PRDM14: variants seen among roughly 807,000 people sequenced by gnomAD.
The protein encoded by PRDM14 is PR domain zinc finger protein 14.
PRDM14 carries 16 observed loss-of-function variants against 48.0 expected under a neutral mutation model. The ratio of observed to expected loss-of-function variants is 0.33; its 90% CI spans 0.23 to 0.51. The LOEUF (loss-of-function observed/expected upper bound fraction) is 0.51, where lower values mean the gene tolerates loss of function less well. PRDM14 is among the 20% of genes least tolerant of loss of function. The probability of loss-of-function intolerance (pLI) is 0.97; values close to 1 mark genes in which losing one functional copy is unlikely to be tolerated. For synonymous variants in PRDM14, 264 were observed against 276.6 expected, an observed-to-expected ratio of 0.95 and a Z score of 0.45; for missense variants, 566 against 719.6, an observed-to-expected ratio of 0.79 and a Z score of 2.44.
chr8:70,058,721 A>G lies in PRDM14; in HGVS notation c.1305T>C (p.Ser435=), dbSNP rs1353624253. ...GCTTCTCAAAGGATCGTTTGCAGAG[A>G]GAACAGGGAAATTTCCTATCGCCCT... ...VDKGDRKFPC[S]LCKRSFEKRD... Residue 435 remains serine (S), a synonymous_variant, in exon 6 of 8, where the codon TCT becomes TCC. Coordinates refer to ENST00000276594, the MANE Select transcript of PRDM14 (RefSeq NM_024504.4). 1.9e-6 allele frequency: 3 copies of G among 1,614,164 alleles called. No homozygotes were observed. The highest frequency in any genetic ancestry group is 2.5e-6 in the Non-Finnish European group (3 of 1,179,998).
At chr8:70,062,199 A>G (rs1351478948) in intron 5 of PRDM14, among the ~76,000 whole-genome samples, 1 of 152,212 alleles carries the variant, frequency 6.6e-6, no homozygotes, top group Non-Finnish European at 1.5e-5. Context: ...CTTGGTTCAG[A>G]ACTGGAACAC....
chr8:70,065,656 G>A (rs1409747390), intron 5 of PRDM14, among the ~76,000 whole-genome samples: 3 of 152,058 alleles, frequency 2.0e-5, no homozygotes, highest in African/African-American at 7.2e-5. Flanking sequence ...CCCATAGTAG[G>A]CAATGTATTT....
chr8:70,051,989 G>T lies in PRDM14; in HGVS notation c.*88C>A. 1.1e-6 allele frequency: 1 copy of T among 873,752 alleles called. No homozygotes were observed. Among genetic ancestry groups the T allele is most frequent in the South Asian group, 1.6e-5 (1 of 60,702 alleles). 54.1% of individuals were successfully genotyped at this position (873,752 alleles called of 1,614,324 possible). A position where few individuals can be genotyped will look rare whatever the true frequency, so the allele number is the denominator to read the frequency against. ...GGATTTCACCATGTTGCCCAGGCTG[G>T]TCTCGAACTCCTGGACTTGAGTGAT... On this transcript the variant is annotated 3_prime_UTR_variant, in exon 8 of 8. Transcript: ENST00000276594.
chr8:70,068,629 C>A, intron 2 of PRDM14, 97 bp from the exon 3 acceptor site: 1 of 972,560 alleles, frequency 1.0e-6, no homozygotes, highest in Non-Finnish European at 1.6e-6. Flanking sequence ...AGGTAACCAT[C>A]ATCCCAGTTT....
At chr8:70,052,822 A>G (rs4738066) in intron 7 of PRDM14, among the ~76,000 whole-genome samples, 88,659 of 140,310 alleles carry the variant, frequency 0.63, 27,634 homozygotes, top group East Asian at 0.74. Context: ...CCGTTATTGC[A>G]CCACTGTACT....
intron 6 of PRDM14, among the ~76,000 whole-genome samples, chr8:70,056,216 T>C (rs1805469548): frequency 6.6e-6 from 1 of 152,234 alleles, no homozygotes; most frequent in Admixed American, 6.5e-5. Context: ...TAATTAATAT[T>C]GTTTCTTGAC....
At position 70,069,551 on chromosome 8, in the gene PRDM14, T is replaced by C; in HGVS notation, c.310A>G (p.Ile104Val). The change falls in exon 2 of 8, where the codon ATT becomes GTT. Residue 104 changes from isoleucine (I) to valine (V), a missense_variant. Coordinates refer to ENST00000276594, the MANE Select transcript of PRDM14 (RefSeq NM_024504.4). ...GGCACTTCCCTGGGGACGTGGGGAA[T>C]TGGGTACCACGGTGGCAGCTTGCTG... ...WYSKLPPWYP[I>V]PHVPREVPPF... 1 of 1,609,150 alleles carries C rather than the reference T, an allele frequency of 6.2e-7. No individual in the cohort carries two copies. Among genetic ancestry groups the C allele is most frequent in the South Asian group, 1.1e-5 (1 of 90,452 alleles).
rs1470668764 is a variant in PRDM14 at position 70,069,685 on chromosome 8, G to A, written c.176C>T (p.Ala59Val). Residue 59 changes from alanine to valine, a missense_variant, in exon 2 of 8, where the codon GCA becomes GTA. Ala to Val is a moderately conservative substitution (Grantham distance 64). This residue lies in a region of PRDM14 where 410 missense variants were observed against 424.6 expected (regional missense o/e 0.97). Coordinates refer to ENST00000276594, the MANE Select transcript of PRDM14 (RefSeq NM_024504.4). ...GGGCATGGCGGGGGCAGCAGACGCT[G>A]CGGCCTCCAGCTGCCGGAAAGGTTG... ...DFQPFRQLEA[A>V]ASAAPAMPPF... The A allele has an allele frequency of 6.4e-7, 1 of 1,552,978 alleles. No individual in the cohort carries two copies. The highest frequency in any genetic ancestry group is 8.7e-7 in the Non-Finnish European group (1 of 1,149,266).
rs1805724703 is a variant in PRDM14 at position 70,069,327 on chromosome 8, T to C, written c.534A>G (p.Ser178=). The part of the protein sequence containing the change: ...QLLPCSPSKQ[S]EDGPKPSNQE... ...GGTTGGAGGGTTTGGGACCATCCTC[T>C]GACTGCTTGCTGGGTGAGCAAGGTA... Residue 178 remains serine, a synonymous_variant, in exon 2 of 8, where the codon TCA becomes TCG. Transcript: ENST00000276594. The C allele has an allele frequency of 1.2e-6, 2 of 1,611,566 alleles. No homozygotes were observed. Among genetic ancestry groups the C allele is most frequent in the Non-Finnish European group, 8.5e-7 (1 of 1,178,796 alleles).
intron 5 of PRDM14, 71 bp downstream of exon 5, chr8:70,066,164 G>T: frequency 6.6e-7 from 1 of 1,515,456 alleles, no homozygotes; most frequent in South Asian, 1.2e-5. Context: ...TGTGCATGGA[G>T]GGTTTGTGGA....
intron 6 of PRDM14, 89 bp from the exon 7 acceptor site, chr8:70,055,490 ACT>A (rs1029332367): frequency 1.1e-5 from 8 of 695,848 alleles, no homozygotes; most frequent in Non-Finnish European, 2.0e-5. Context: ...TTAGAGAAGA[ACT>A]CTTTTCCAAT....
chr8:70,063,545 ATG>A (rs1805618604), intron 5 of PRDM14, among the ~76,000 whole-genome samples: 1 of 151,894 alleles, frequency 6.6e-6, no homozygotes, highest in Admixed American at 6.6e-5. Flanking sequence ...TCTTTTTGAG[ATG>A]GAGTCTCACT....
chr8:70,066,530 T>C, intron 4 of PRDM14, 25 bp from the exon 5 acceptor site: 3 of 1,580,024 alleles, frequency 1.9e-6, no homozygotes, highest in Non-Finnish European at 2.6e-6. Context: ...ACATGAAGTT[T>C]GTATTGTACT....
At chr8:70,059,531 A>G (rs1227418638) in intron 5 of PRDM14, among the ~76,000 whole-genome samples, 4 of 152,028 alleles carry the variant, frequency 2.6e-5, no homozygotes. Flanking sequence ...CGGCCTCCCA[A>G]AGTGCTGGGA....
At position 70,069,583 on chromosome 8, in the gene PRDM14, G is replaced by C; in HGVS notation, c.278C>G (p.Pro93Arg). ...GLQREPLYDL[P>R]WYSKLPPWYP... ...CCACGGTGGCAGCTTGCTGTACCAG[G>C]GCAGATCGTAGAGAGGCTCCCTCTG... The change falls in exon 2 of 8, where the codon CCC becomes CGC. Residue 93 changes from proline to arginine, a missense_variant. Pro to Arg is a moderately radical substitution (Grantham distance 103, BLOSUM62 -2). Transcript: ENST00000276594. 4.4e-6 allele frequency: 7 copies of C among 1,601,026 alleles called. No homozygotes were observed. Among genetic ancestry groups the C allele is most frequent in the Non-Finnish European group, 5.1e-6 (6 of 1,174,152 alleles).
chr8:70,069,905 C>T, intron 1 of PRDM14, 21 bp from the exon 2 acceptor site: 2 of 1,447,850 alleles, frequency 1.4e-6, no homozygotes, highest in African/African-American at 2.8e-5. Context: ...GCGGGCGCCG[C>T]TGAGGACACC....
At chr8:70,053,957 A>G (rs1004969546) in intron 7 of PRDM14, among the ~76,000 whole-genome samples, 2 of 152,212 alleles carry the variant, frequency 1.3e-5, no homozygotes, top group Non-Finnish European at 2.9e-5. Flanking sequence ...TTGGAAATCA[A>G]TGGCCACATG....
chr8:70,069,060 T>C, intron 2 of PRDM14, 101 bp downstream of exon 2: 1 of 947,234 alleles, frequency 1.1e-6, no homozygotes. Flanking sequence ...TCCCGCACTC[T>C]GCAGCCTCAG....
Position 70,055,294 on chromosome 8 carries a change from A to G in PRDM14, c.1488+6T>C, listed in dbSNP as rs774829594. The G allele has an allele frequency of 5.2e-6, 8 of 1,539,402 alleles. No individual in the cohort carries two copies. Among genetic ancestry groups the G allele is most frequent in the Non-Finnish European group, 7.2e-6 (8 of 1,112,942 alleles). On this transcript the variant is annotated splice_donor_region_variant and intron_variant, in intron 7 of 7. Coordinates refer to ENST00000276594, the MANE Select transcript of PRDM14 (RefSeq NM_024504.4). ...GACACATCCCTTAGTAAGAGGTTCC[A>G]TTTACCTTAGTACAATACACACACT...
Sources: allele counts gnomAD v4.1 joint callset (sites outside exome capture counted in the v4.1 genomes callset), GRCh38; gene constraint gnomAD v4.1.1; regional missense constraint gnomAD v4.1.1; transcripts MANE v1.5; gene names NCBI Gene and HGNC (gene_info 2026-07-23, HGNC 2026-07-21).